The following SNX8 variants were observed in gnomAD, a reference collection of about 807,000 sequenced individuals.
The protein encoded by SNX8 is sorting nexin-8.
A neutral mutation model predicts 51.6 loss-of-function variants in SNX8; 25 were observed. That is an observed-to-expected ratio of 0.48 (90% CI 0.35 to 0.68). The LOEUF (loss-of-function observed/expected upper bound fraction) is 0.68, where lower values mean the gene tolerates loss of function less well. Among genes scored for constraint, SNX8 ranks in the 30% least tolerant of loss-of-function variants. The probability of loss-of-function intolerance (pLI) is 0.00; values close to 1 mark genes in which losing one functional copy is unlikely to be tolerated. For missense variants in SNX8, 695 were observed against 624.0 expected (o/e 1.11, Z -1.21); for synonymous variants, 324 against 277.0 (o/e 1.17, Z -1.68).
At chr7:2,292,836 G>A (rs950023829) in intron 1 of SNX8, among the ~76,000 whole-genome samples, 3 of 151,948 alleles carry the variant, frequency 2.0e-5, no homozygotes, top group Admixed American at 6.6e-5. Context: ...CCTGGGCAAC[G>A]CGGCAAGATC....
chr7:2,296,804 C>A (rs949970056), intron 1 of SNX8, among the ~76,000 whole-genome samples: 1 of 151,792 alleles, frequency 6.6e-6, no homozygotes, highest in Non-Finnish European at 1.5e-5. Flanking sequence ...GTGGCGGACA[C>A]CTGTAATCCC....
At chr7:2,286,081 G>A (rs574352513) in intron 1 of SNX8, among the ~76,000 whole-genome samples, 11 of 150,276 alleles carry the variant, frequency 7.3e-5, no homozygotes, top group Admixed American at 2.7e-4. Context: ...GCGCTATCTC[G>A]GCTCACTGCA....
intron 1 of SNX8, among the ~76,000 whole-genome samples, chr7:2,320,173 T>C (rs1478128793): frequency 6.6e-6 from 1 of 151,670 alleles, no homozygotes; most frequent in Non-Finnish European, 1.5e-5. Flanking sequence ...CTGACCAACA[T>C]GAAGAAACCC....
At chr7:2,267,911 G>T (rs1795512660) in intron 5 of SNX8, among the ~76,000 whole-genome samples, 1 of 109,574 alleles carries the variant, frequency 9.1e-6, no homozygotes, top group Non-Finnish European at 1.9e-5. Flanking sequence ...AGTGAGGAGC[G>T]TCTCTGCCCG....
intron 1 of SNX8, among the ~76,000 whole-genome samples, chr7:2,311,978 T>C (rs958199447): frequency 2.5e-4 from 37 of 150,772 alleles, no homozygotes; most frequent in African/African-American, 4.1e-4. Context: ...TTCACCCACC[T>C]GCCAGGATGA....
intron 1 of SNX8, among the ~76,000 whole-genome samples, chr7:2,327,674 T>C (rs960153736): frequency 1.3e-5 from 2 of 151,272 alleles, no homozygotes; most frequent in East Asian, 3.9e-4. Flanking sequence ...CCCAAAGTGC[T>C]GGGATTACAG....
chr7:2,258,285 G>GA (rs1415294641), intron 7 of SNX8, among the ~76,000 whole-genome samples: 2 of 152,112 alleles, frequency 1.3e-5, no homozygotes, highest in East Asian at 1.9e-4. Context: ...CAAAGTGCTG[G>GA]ATTACAGGCG....
intron 7 of SNX8, among the ~76,000 whole-genome samples, chr7:2,259,375 C>G (rs73043228): frequency 0.025 from 3,797 of 152,346 alleles, 73 homozygotes; most frequent in Middle Eastern, 0.051. Context: ...TCGGGGAGAC[C>G]AAGCTCCCTC....
rs73275085 is a variant in SNX8 at position 2,332,697 on chromosome 7, C to T, written c.-66+21525G>A. Among the ~76,000 whole-genome samples the T allele has an allele frequency of 8.7e-3, 1,279 of 146,264 alleles. 16 individuals are homozygous for T. Among genetic ancestry groups the T allele is most frequent in the African/African-American group, 0.031 (1,223 of 39,282 alleles). ...TCCGGGACATCAAGGCTACTGTGAGCTATAATGGGACCACTGTACTCCAGT... is the reference window on the plus strand; with the variant it reads ...TCCGGGACATCAAGGCTACTGTGAGTTATAATGGGACCACTGTACTCCAGT... On this transcript the variant is annotated intron_variant, in intron 1 of 5. Transcript: ENST00000435336.
chr7:2,302,817 G>A (rs187812399), intron 1 of SNX8, among the ~76,000 whole-genome samples: 4,141 of 150,578 alleles, frequency 0.028, 197 homozygotes, highest in African/African-American at 0.091. Context: ...GGTGAGGAGC[G>A]TCTCTGCCCG....
intron 1 of SNX8, among the ~76,000 whole-genome samples, chr7:2,297,983 A>G (rs1796309831): frequency 6.6e-6 from 1 of 151,948 alleles, no homozygotes; most frequent in Admixed American, 6.6e-5. Context: ...TCGACCAACG[A>G]ACAATTCATC....
upstream of SNX8, among the ~76,000 whole-genome samples, chr7:2,315,315 TTCACCCAC>T (rs1325615630): frequency 1.3e-5 from 2 of 149,904 alleles, no homozygotes; most frequent in East Asian, 2.0e-4. Flanking sequence ...CATTCATTCA[TTCACCCAC>T]TCACCCACTC....
intron 1 of SNX8, chr7:2,288,517 A>C (rs1477636754): frequency 6.0e-6 from 1 of 166,230 alleles, no homozygotes; most frequent in Non-Finnish European, 1.5e-5. Context: ...CCCTTTCCCT[A>C]CTCAAAGTGA....
At chr7:2,302,000 T>TG (rs926747701) in intron 1 of SNX8, among the ~76,000 whole-genome samples, 3 of 152,090 alleles carry the variant, frequency 2.0e-5, no homozygotes, top group Non-Finnish European at 4.4e-5. Flanking sequence ...CCCAGCACTT[T>TG]GGGAGGCCGA....
At chr7:2,281,317 G>A (rs957322937) in intron 1 of SNX8, among the ~76,000 whole-genome samples, 3 of 151,988 alleles carry the variant, frequency 2.0e-5, no homozygotes, top group African/African-American at 4.8e-5. Context: ...TACTCAGGAG[G>A]CTGAGGCAGG....
At chr7:2,283,718 T>G (rs1212414980) in intron 1 of SNX8, among the ~76,000 whole-genome samples, 1 of 152,154 alleles carries the variant, frequency 6.6e-6, no homozygotes, top group Non-Finnish European at 1.5e-5. Flanking sequence ...AATCACCTGG[T>G]GGGCTCCTTC....
intron 1 of SNX8, among the ~76,000 whole-genome samples, chr7:2,330,139 T>C (rs1446739619): frequency 6.4e-5 from 2 of 31,086 alleles, no homozygotes; most frequent in Admixed American, 3.7e-4. Context: ...CCCTTTTTTC[T>C]TTTTTTTTTT....
chr7:2,325,758 G>C (rs527920144), intron 1 of SNX8, among the ~76,000 whole-genome samples: 35 of 152,210 alleles, frequency 2.3e-4, no homozygotes, highest in African/African-American at 8.2e-4. Context: ...CTTGAACTTG[G>C]GAGGCGGAGA....
In SNX8 at chr7:2,271,859, GA is replaced by G. The variant is rs1470890553; in HGVS notation, c.530del (p.Phe177SerfsTer10). On this transcript the variant is annotated frameshift_variant, in exon 4 of 11. Transcript: ENST00000222990. LOFTEE classifies it high-confidence loss of function. ...GGGCAGACACACTCACCGAGCCGCTGAAGGACAGGAAGAGCTTGAGGACCAC... is the reference window on the plus strand; with the variant it reads ...GGGCAGACACACTCACCGAGCCGCTGAGGACAGGAAGAGCTTGAGGACCAC... ...EDVVLKLFLS[F>X]SGSDVQNKLK... is the part of the protein sequence containing the mutation. The G allele has an allele frequency of 1.9e-6, 3 of 1,609,660 alleles. No individual in the cohort carries two copies. The South Asian group carries it at 3.3e-5, about 18-fold the overall frequency.
Sources: allele counts gnomAD v4.1 joint callset (sites outside exome capture counted in the v4.1 genomes callset), GRCh38; gene constraint gnomAD v4.1.1; transcripts MANE v1.5; gene names NCBI Gene and HGNC (gene_info 2026-07-23, HGNC 2026-07-21).